NPR3: variants seen among roughly 807,000 people sequenced by gnomAD.
The protein encoded by NPR3 is atrial natriuretic peptide receptor 3.
NPR3 carries 34 observed loss-of-function variants against 54.5 expected under a neutral mutation model. That is an observed-to-expected ratio of 0.62 (90% CI 0.47 to 0.83). The LOEUF (loss-of-function observed/expected upper bound fraction) is 0.83, where lower values mean the gene tolerates loss of function less well. NPR3 is among the 40% of genes least tolerant of loss of function. The pLI is 0.00. For missense variants in NPR3, 674 were observed against 720.8 expected (o/e 0.94, Z 0.74); for synonymous variants, 289 against 297.1 (o/e 0.97, Z 0.28).
chr5:32,724,814 T>A lies in NPR3; in HGVS notation c.886T>A (p.Ser296Thr). 1 of 1,613,894 alleles carries A rather than the reference T, an allele frequency of 6.2e-7. No individual in the cohort carries two copies. Among genetic ancestry groups the A allele is most frequent in the Non-Finnish European group, 8.5e-7 (1 of 1,179,860 alleles). The change falls in exon 2 of 8, where the codon TCC becomes ACC. Residue 296 changes from serine to threonine, a missense_variant. Coordinates refer to ENST00000265074, the MANE Select transcript of NPR3 (RefSeq NM_001204375.2). ...CAACATTGAGCTCTTCAACAGCTCT[T>A]CCTATGGTAACTCTGCTTCCACTTT... ...FFNIELFNSSSYGDGSWKRGD... is the reference protein window; with the variant it reads ...FFNIELFNSSTYGDGSWKRGD...
intron 2 of NPR3, among the ~76,000 whole-genome samples, chr5:32,738,609 T>C (rs936255040): frequency 4.6e-5 from 7 of 152,208 alleles, no homozygotes; most frequent in African/African-American, 1.7e-4. Context: ...TGCAGTTACA[T>C]GGTTATTACA....
upstream of NPR3, among the ~76,000 whole-genome samples, chr5:32,707,066 C>G (rs1212104808): frequency 1.3e-5 from 2 of 152,116 alleles, no homozygotes; most frequent in Non-Finnish European, 2.9e-5. Flanking sequence ...CTTCATATAG[C>G]TTGCAAATCT....
chr5:32,713,299 C>T, intron 1 of NPR3: 1 of 985,452 alleles, frequency 1.0e-6, no homozygotes, highest in Non-Finnish European at 1.2e-6. Flanking sequence ...CACCTGTCCC[C>T]CAAGTTTTCT....
chr5:32,785,138 ATTTTTTT>A (rs11427729), intron 7 of NPR3, among the ~76,000 whole-genome samples: 146 of 90,890 alleles, frequency 1.6e-3, no homozygotes, highest in East Asian at 7.3e-3. Context: ...TTGATCACAG[ATTTTTTT>A]TTTTTTTTTT....
chr5:32,752,519 C>T (rs1452348562), intron 3 of NPR3, among the ~76,000 whole-genome samples: 6 of 152,200 alleles, frequency 3.9e-5, no homozygotes. Context: ...GGAGCTGCAT[C>T]TGGATAGAAG....
chr5:32,739,890 C>CT (rs1260276880), intron 3 of NPR3, among the ~76,000 whole-genome samples: 1 of 151,944 alleles, frequency 6.6e-6, no homozygotes, highest in Non-Finnish European at 1.5e-5. Context: ...TCCTCCTCTT[C>CT]TTTTTTTTGA....
intron 3 of NPR3, among the ~76,000 whole-genome samples, chr5:32,754,928 TC>T (rs1264240341): frequency 6.6e-6 from 1 of 152,238 alleles, no homozygotes; most frequent in Non-Finnish European, 1.5e-5. Flanking sequence ...TGGCGTGATC[TC>T]CGCCCACTGC....
At position 32,786,357 on chromosome 5, in the gene NPR3, CA is replaced by C; in HGVS notation, c.*13del. Reference sequence around the variant, plus strand: ...TTTCAGTAGCTTAAAGGAAGCCCCCCACTTTTTTTTTTTCTGCCTGAGATTC... The same window carrying C: ...TTTCAGTAGCTTAAAGGAAGCCCCCCCTTTTTTTTTTTCTGCCTGAGATTC... On this transcript the variant is annotated 3_prime_UTR_variant, in exon 8 of 8. Transcript: ENST00000265074. The C allele has an allele frequency of 8.2e-7, 1 of 1,215,440 alleles. No individual in the cohort carries two copies. Among genetic ancestry groups the C allele is most frequent in the Non-Finnish European group, 1.2e-6 (1 of 835,260 alleles). 75.3% of individuals were successfully genotyped at this position (1,215,440 alleles called of 1,614,324 possible). A position where few individuals can be genotyped will look rare whatever the true frequency, so the allele number is the denominator to read the frequency against.
intron 6 of NPR3, chr5:32,783,372 CAA>C (rs1284319986): frequency 5.3e-6 from 1 of 189,686 alleles, no homozygotes; most frequent in Non-Finnish European, 1.1e-5. Flanking sequence ...TCTGATTTTT[CAA>C]GTTTGTGGTT....
At chr5:32,733,879 T>G (rs1284804740) in intron 2 of NPR3, among the ~76,000 whole-genome samples, 1 of 152,162 alleles carries the variant, frequency 6.6e-6, no homozygotes, top group Non-Finnish European at 1.5e-5. Context: ...TCTGATGAAA[T>G]GAATGTAGGT....
chr5:32,763,068 A>G (rs1483748605), intron 3 of NPR3, among the ~76,000 whole-genome samples: 2 of 152,074 alleles, frequency 1.3e-5, no homozygotes, highest in African/African-American at 4.8e-5. Flanking sequence ...AGTTTTTCCA[A>G]CACCATTTAT....
intron 7 of NPR3, among the ~76,000 whole-genome samples, chr5:32,785,248 G>T (rs576948892): frequency 6.7e-6 from 1 of 149,874 alleles, no homozygotes; most frequent in African/African-American, 2.5e-5. Flanking sequence ...CACCTCCTGG[G>T]TTCAAGCAAT....
At chr5:32,784,118 G>A (rs974514066) in intron 6 of NPR3, among the ~76,000 whole-genome samples, 1 of 152,194 alleles carries the variant, frequency 6.6e-6, no homozygotes, top group African/African-American at 2.4e-5. Context: ...CTAGCACTTT[G>A]AAGTGTCACC....
At chr5:32,753,624 CTTTTTTTTTTT>C (rs70961660) in intron 3 of NPR3, among the ~76,000 whole-genome samples, 3 of 102,810 alleles carry the variant, frequency 2.9e-5, no homozygotes, top group African/African-American at 7.7e-5. Flanking sequence ...TCTCAGCATC[CTTTTTTTTTTT>C]TTTTTTTTTT....
chr5:32,747,589 G>T (rs998094905), intron 3 of NPR3, among the ~76,000 whole-genome samples: 1 of 151,912 alleles, frequency 6.6e-6, no homozygotes, highest in African/African-American at 2.4e-5. Flanking sequence ...TTTAGATAAT[G>T]CTGATTTTTT....
intron 6 of NPR3, 61 bp downstream of exon 6, chr5:32,783,089 G>T: frequency 6.7e-7 from 1 of 1,493,642 alleles, no homozygotes. Flanking sequence ...TGTAATGTAA[G>T]TTTAAAACCC....
chr5:32,721,189 G>C (rs867192249), intron 1 of NPR3, among the ~76,000 whole-genome samples: 2 of 152,214 alleles, frequency 1.3e-5, no homozygotes, highest in African/African-American at 4.8e-5. Context: ...TATGTGTTTG[G>C]TTCATTCAAG....
intron 2 of NPR3, among the ~76,000 whole-genome samples, chr5:32,731,962 C>G (rs551764009): frequency 6.6e-6 from 1 of 152,204 alleles, no homozygotes; most frequent in African/African-American, 2.4e-5. Flanking sequence ...CCATTCTCGG[C>G]CGGGCGCGGT....
intron 3 of NPR3, among the ~76,000 whole-genome samples, chr5:32,754,492 C>G (rs2111991153): frequency 1.3e-5 from 2 of 152,102 alleles, no homozygotes; most frequent in East Asian, 3.9e-4. Flanking sequence ...TTTCTGGGGT[C>G]CAGCCAATTG....
Sources: allele counts gnomAD v4.1 joint callset (sites outside exome capture counted in the v4.1 genomes callset), GRCh38; gene constraint gnomAD v4.1.1; transcripts MANE v1.5; gene names NCBI Gene and HGNC (gene_info 2026-07-23, HGNC 2026-07-21).